Variants in RPS6KA3 observed in about 807,000 individuals in gnomAD.
RPS6KA3 encodes ribosomal protein S6 kinase A3, also known as ribosomal protein S6 kinase alpha-3.
RPS6KA3 carries 4 observed loss-of-function variants against 67.2 expected under a neutral mutation model. The observed-to-expected ratio is 0.06, with a 90% confidence interval of 0.03 to 0.14. The LOEUF (loss-of-function observed/expected upper bound fraction) is 0.14, where lower values mean the gene tolerates loss of function less well. RPS6KA3 is among the 10% of genes least tolerant of loss of function. The pLI is 1.00. For synonymous variants in RPS6KA3, 182 were observed against 183.7 expected, an observed-to-expected ratio of 0.99 and a Z score of 0.07; for missense variants, 204 against 559.0, an observed-to-expected ratio of 0.36 and a Z score of 6.40.
Position 20,266,790 on chromosome X carries a change from G to T in RPS6KA3, c.-158C>A. On this transcript the variant is annotated 5_prime_UTR_variant, in exon 1 of 22. Transcript: ENST00000379565. ...GGCAGCAGCAGCAGCAGCGGCGGCGGCCCCAGAGAGGGCTCGACGCCGACG... is the reference window on the plus strand; with the variant it reads ...GGCAGCAGCAGCAGCAGCGGCGGCGTCCCCAGAGAGGGCTCGACGCCGACG... The T allele has an allele frequency of 5.8e-6, 2 of 347,479 alleles. No individual in the cohort carries two copies. The highest frequency in any genetic ancestry group is 7.5e-6 in the Non-Finnish European group (2 of 268,010). 28.6% of individuals were successfully genotyped at this position (347,479 alleles called of 1,213,427 possible).
rs146755131 is a variant in RPS6KA3 at position 20,200,228 on chromosome X, G to C, written c.325+3794C>G. Among the ~76,000 whole-genome samples the C allele has an allele frequency of 3.0e-4, 34 of 112,311 alleles. No individual in the cohort carries two copies. In the East Asian group the frequency reaches 8.6e-3, roughly 28 times the overall value. Reference sequence around the variant, plus strand: ...AAACTGTGAGTGGGTGGCAGCATGAGAGAACTGAATCTTAGTCTTCCATGT... The same window carrying C: ...AAACTGTGAGTGGGTGGCAGCATGACAGAACTGAATCTTAGTCTTCCATGT... On this transcript the variant is annotated intron_variant, in intron 4 of 21. Coordinates refer to ENST00000379565, the MANE Select transcript of RPS6KA3 (RefSeq NM_004586.3).
intron 10 of RPS6KA3, among the ~76,000 whole-genome samples, chrX:20,185,971 G>A (rs2067970057): frequency 8.9e-6 from 1 of 111,738 alleles, no homozygotes; most frequent in Admixed American, 9.5e-5. Context: ...ATAGAGTCTC[G>A]CTCTGTTGCC....
chrX:20,267,040 T>A, upstream of RPS6KA3: 1 of 753,682 alleles, frequency 1.3e-6, no homozygotes, highest in Non-Finnish European at 1.6e-6. Context: ...AAGCGATACC[T>A]GTCTCTCAAA....
intron 9 of RPS6KA3, 112 bp from the exon 10 acceptor site, chrX:20,186,478 T>C (rs2067984358): frequency 1.9e-6 from 1 of 518,333 alleles, no homozygotes; most frequent in Non-Finnish European, 3.4e-6. Context: ...TATTCTAAAA[T>C]TGCTACATAA....
chrX:20,182,095 G>A (rs1017563747), intron 10 of RPS6KA3, among the ~76,000 whole-genome samples: 2 of 110,971 alleles, frequency 1.8e-5, no homozygotes, highest in Non-Finnish European at 3.8e-5. Context: ...AAAAAACCCC[G>A]AACAAAAACA....
chrX:20,224,445 C>G (rs2069060709), intron 2 of RPS6KA3, among the ~76,000 whole-genome samples: 1 of 110,995 alleles, frequency 9.0e-6, no homozygotes, highest in African/African-American at 3.3e-5. Context: ...CCCATGATGA[C>G]TGAACCCTGT....
chrX:20,194,411 ATC>A (rs2068218791), intron 5 of RPS6KA3, 143 bp from the exon 6 acceptor site: 1 of 457,007 alleles, frequency 2.2e-6, no homozygotes, highest in Admixed American at 3.8e-5. Flanking sequence ...CCACTGATTT[ATC>A]TTAGTTTCCA....
At chrX:20,161,119 G>GA (rs1402975654) in intron 20 of RPS6KA3, among the ~76,000 whole-genome samples, 1 of 111,569 alleles carries the variant, frequency 9.0e-6, no homozygotes, top group Non-Finnish European at 1.9e-5. Context: ...TGTTTATCGT[G>GA]AAAAAACCGA....
intron 1 of RPS6KA3, among the ~76,000 whole-genome samples, chrX:20,259,198 C>G (rs2070156607): frequency 9.0e-6 from 1 of 111,446 alleles, no homozygotes; most frequent in Non-Finnish European, 1.9e-5. Flanking sequence ...GCTATCTATT[C>G]TCTAGTAAGT....
At chrX:20,225,117 G>A (rs1321880403) in intron 2 of RPS6KA3, among the ~76,000 whole-genome samples, 1 of 110,604 alleles carries the variant, frequency 9.0e-6, no homozygotes, top group Non-Finnish European at 1.9e-5. Context: ...ATATGGATGA[G>A]ATCACTGAAA....
chrX:20,266,952 C>T (rs778987571), upstream of RPS6KA3: 7 of 729,431 alleles, frequency 9.6e-6, no homozygotes, highest in Non-Finnish European at 9.7e-6. Flanking sequence ...TCCGCCCCCC[C>T]CGCCGGTTCC....
chrX:20,210,263 T>C (rs951525856), intron 2 of RPS6KA3, among the ~76,000 whole-genome samples: 1 of 112,224 alleles, frequency 8.9e-6, no homozygotes, highest in African/African-American at 3.2e-5. Flanking sequence ...ACATACGGTA[T>C]GTTATAGTCA....
At chrX:20,187,015 A>G (rs1181949997) in intron 9 of RPS6KA3, among the ~76,000 whole-genome samples, 2 of 109,485 alleles carry the variant, frequency 1.8e-5, no homozygotes, top group Non-Finnish European at 3.8e-5. Flanking sequence ...TTGTAGTTGT[A>G]GTAGAGACAG....
At chrX:20,156,382 G>A in intron 20 of RPS6KA3, 133 bp from the exon 21 acceptor site, 1 of 662,167 alleles carries the variant, frequency 1.5e-6, no homozygotes, top group Non-Finnish European at 2.4e-6. Flanking sequence ...TGGTCAACAT[G>A]GTAATTTGGG....
chrX:20,176,044 T>C (rs1160275385), intron 13 of RPS6KA3, among the ~76,000 whole-genome samples: 1 of 110,715 alleles, frequency 9.0e-6, no homozygotes, highest in Admixed American at 9.7e-5. Flanking sequence ...CTAATTTTGG[T>C]ATTTTTAGTA....
intron 2 of RPS6KA3, among the ~76,000 whole-genome samples, chrX:20,213,866 A>G (rs2068780166): frequency 9.0e-6 from 1 of 110,688 alleles, no homozygotes; most frequent in African/African-American, 3.3e-5. Flanking sequence ...ATATGGTTCA[A>G]ATGAAGGCTA....
chrX:20,210,713 G>A (rs1418479192), intron 2 of RPS6KA3, among the ~76,000 whole-genome samples: 2 of 111,542 alleles, frequency 1.8e-5, no homozygotes, highest in African/African-American at 6.5e-5. Context: ...ACTCCCCTGG[G>A]ACTTCGGAAA....
At chrX:20,238,651 G>A (rs1424987034) in intron 1 of RPS6KA3, among the ~76,000 whole-genome samples, 1 of 111,009 alleles carries the variant, frequency 9.0e-6, no homozygotes, top group Non-Finnish European at 1.9e-5. Context: ...TAATCTGAAG[G>A]GTATTTTATG....
intron 2 of RPS6KA3, among the ~76,000 whole-genome samples, chrX:20,227,242 C>T (rs1386012369): frequency 9.0e-6 from 1 of 111,329 alleles, no homozygotes; most frequent in Non-Finnish European, 1.9e-5. Context: ...AACTAGTCTT[C>T]TGAAGCTTCC....
Sources: gnomAD v4.1 joint callset for allele counts (sites outside exome capture counted in the v4.1 genomes callset) on GRCh38, gnomAD v4.1.1 for gene constraint, MANE v1.5 for transcripts, NCBI Gene and HGNC (gene_info 2026-07-23, HGNC 2026-07-21) for gene names.